Variants in C8A observed in about 807,000 individuals in gnomAD.
C8A encodes complement C8 alpha chain.
Under a neutral mutation model 65.3 loss-of-function variants are expected in C8A, and 67 were observed. The observed-to-expected ratio is 1.03, with a 90% confidence interval of 0.84 to 1.26. C8A has a LOEUF of 1.26. Among genes scored for constraint, C8A ranks in the 50% most tolerant of loss-of-function variants. The pLI, the probability that C8A is intolerant of heterozygous loss-of-function variation, is 0.00. For synonymous variants in C8A, 290 were observed against 259.4 expected, an observed-to-expected ratio of 1.12 and a Z score of -1.13; for missense variants, 781 against 723.9, an observed-to-expected ratio of 1.08 and a Z score of -0.90.
intron 7 of C8A, among the ~76,000 whole-genome samples, chr1:56,900,770 C>T (rs534049886): frequency 1.3e-3 from 198 of 152,338 alleles, no homozygotes; most frequent in African/African-American, 4.7e-3. Context: ...TCCCCAAGCC[C>T]TCCTGGGGGG....
intron 10 of C8A, among the ~76,000 whole-genome samples, chr1:56,913,651 C>T (rs2772090): frequency 0.1 from 15,582 of 152,168 alleles, 1,240 homozygotes; most frequent in African/African-American, 0.22. Flanking sequence ...TTTTCAGGCA[C>T]ATAAAACTGT....
intron 5 of C8A, among the ~76,000 whole-genome samples, chr1:56,882,914 A>C (rs1644259437): frequency 6.6e-6 from 1 of 152,186 alleles, no homozygotes; most frequent in South Asian, 2.1e-4. Context: ...CCATTTCAAC[A>C]CATGCTCTCA....
intron 5 of C8A, among the ~76,000 whole-genome samples, chr1:56,881,970 T>G (rs1309861489): frequency 6.6e-6 from 1 of 152,176 alleles, no homozygotes; most frequent in Non-Finnish European, 1.5e-5. Context: ...GCTAACTCAC[T>G]GCCCTCCTTG....
Position 56,883,472 on chromosome 1 carries a change from T to C in C8A, c.655-9T>C. 2 of 1,611,650 alleles carry C rather than the reference T, an allele frequency of 1.2e-6. No homozygotes were observed. Among genetic ancestry groups the C allele is most frequent in the South Asian group, 2.2e-5 (2 of 91,032 alleles). On this transcript the variant is annotated splice_polypyrimidine_tract_variant and intron_variant, in intron 5 of 10. Transcript: ENST00000361249. Reference sequence around the variant, plus strand: ...GCACAAAGCTAATATCTATCCTTTTTTTTTTCAGGCCCTGGCAGATACTGG... The same window carrying C: ...GCACAAAGCTAATATCTATCCTTTTCTTTTTCAGGCCCTGGCAGATACTGG...
At position 56,908,047 on chromosome 1, in the gene C8A, G is replaced by T; in HGVS notation, c.1314G>T (p.Arg438Ser). ...SGWSGGLAQN[R>S]STITYRSWGR... ...GGAGCGGTGGCTTGGCACAGAACAG[G>T]AGCACCATTACATACCGTTCCTGGG... Residue 438 changes from arginine to serine, a missense_variant, in exon 9 of 11, where the codon AGG becomes AGT. Arg to Ser is a moderately radical substitution (Grantham distance 110). Transcript: ENST00000361249. 1 of 1,614,134 alleles carries T rather than the reference G, an allele frequency of 6.2e-7. No individual in the cohort carries two copies. The highest frequency in any genetic ancestry group is 8.5e-7 in the Non-Finnish European group (1 of 1,179,996).
intron 7 of C8A, among the ~76,000 whole-genome samples, chr1:56,895,414 T>C (rs1490157389): frequency 6.6e-6 from 1 of 152,158 alleles, no homozygotes; most frequent in Non-Finnish European, 1.5e-5. Context: ...TTAAATAGCT[T>C]GCCCAAGGTC....
intron 7 of C8A, among the ~76,000 whole-genome samples, chr1:56,888,379 G>A (rs1224161164): frequency 6.6e-6 from 1 of 152,116 alleles, no homozygotes; most frequent in African/African-American, 2.4e-5. Context: ...TACATTATGT[G>A]TTTGTGCTAG....
chr1:56,858,081 T>G (rs931562551), intron 1 of C8A, among the ~76,000 whole-genome samples: 1 of 152,188 alleles, frequency 6.6e-6, no homozygotes, highest in Non-Finnish European at 1.5e-5. Flanking sequence ...ATGTCTCATT[T>G]GGTACCTTCT....
intron 1 of C8A, among the ~76,000 whole-genome samples, chr1:56,867,092 C>T (rs1290019264): frequency 6.6e-6 from 1 of 152,154 alleles, no homozygotes; most frequent in Admixed American, 6.5e-5. Flanking sequence ...AATGTCCCAG[C>T]ATGTAATAAT....
intron 6 of C8A, 54 bp downstream of exon 6, chr1:56,883,735 C>G: frequency 7.1e-7 from 1 of 1,411,140 alleles, no homozygotes; most frequent in Non-Finnish European, 1.0e-6. Flanking sequence ...ACACTGAACA[C>G]GTATTACCTT....
At chr1:56,858,948 C>T (rs992161565) in intron 1 of C8A, among the ~76,000 whole-genome samples, 2 of 152,190 alleles carry the variant, frequency 1.3e-5, no homozygotes, top group Non-Finnish European at 1.5e-5. Context: ...GGAGATAATA[C>T]ATATTTCTTA....
At chr1:56,858,359 T>A (rs754062025) in intron 1 of C8A, among the ~76,000 whole-genome samples, 1 of 152,138 alleles carries the variant, frequency 6.6e-6, no homozygotes, top group Admixed American at 6.5e-5. Context: ...CTTATTACAT[T>A]CTTCTAAGAG....
At chr1:56,867,576 CA>C (rs1644102876) in intron 1 of C8A, 32 bp from the exon 2 acceptor site, 1 of 1,525,954 alleles carries the variant, frequency 6.6e-7, no homozygotes, top group East Asian at 2.3e-5. Context: ...TTTTGCATCT[CA>C]AAATTGATGC....
chr1:56,880,161 A>G (rs1247280054), intron 4 of C8A, among the ~76,000 whole-genome samples: 3 of 152,166 alleles, frequency 2.0e-5, no homozygotes, highest in East Asian at 1.9e-4. Context: ...AGCCAACTCT[A>G]CAGTTTTTGT....
chr1:56,890,374 A>G (rs2101258937), intron 7 of C8A, among the ~76,000 whole-genome samples: 1 of 152,262 alleles, frequency 6.6e-6, no homozygotes, highest in Non-Finnish European at 1.5e-5. Context: ...TGAGTATCAC[A>G]TGTGAAAAGA....
At chr1:56,877,318 T>G (rs2101222449) in intron 4 of C8A, among the ~76,000 whole-genome samples, 1 of 152,262 alleles carries the variant, frequency 6.6e-6, no homozygotes, top group African/African-American at 2.4e-5. Context: ...CTAGGTAGTC[T>G]TTGTAACAGC....
chr1:56,914,312 A>G (rs1006445801), intron 10 of C8A, among the ~76,000 whole-genome samples: 4 of 152,014 alleles, frequency 2.6e-5, no homozygotes, highest in African/African-American at 9.7e-5. Flanking sequence ...GGGATAGATG[A>G]CCACTTTTCA....
intron 2 of C8A, among the ~76,000 whole-genome samples, chr1:56,869,546 T>C (rs867423600): frequency 6.6e-6 from 1 of 152,220 alleles, no homozygotes; most frequent in Non-Finnish European, 1.5e-5. Flanking sequence ...AGTAGTGAGA[T>C]TGCTAGATTG....
chr1:56,857,003 GTTT>G (rs1643983354), intron 1 of C8A, among the ~76,000 whole-genome samples: 1 of 151,962 alleles, frequency 6.6e-6, no homozygotes, highest in African/African-American at 2.4e-5. Flanking sequence ...TTAATTTCAA[GTTT>G]CTAATTTGCT....
Sources: gnomAD v4.1 joint callset for allele counts (sites outside exome capture counted in the v4.1 genomes callset) on GRCh38, gnomAD v4.1.1 for gene constraint, MANE v1.5 for transcripts, NCBI Gene and HGNC (gene_info 2026-07-23, HGNC 2026-07-21) for gene names.